Variants in SRGAP1 observed in about 807,000 individuals in gnomAD.
SRGAP1 encodes SLIT-ROBO Rho GTPase-activating protein 1.
A neutral mutation model predicts 121.9 loss-of-function variants in SRGAP1; 43 were observed. The ratio of observed to expected loss-of-function variants is 0.35; its 90% CI spans 0.28 to 0.46. The LOEUF (loss-of-function observed/expected upper bound fraction) is 0.46, where lower values mean the gene tolerates loss of function less well. Ranked by LOEUF, SRGAP1 falls within the 20% of genes least tolerant of loss-of-function variation. The pLI, the probability that SRGAP1 is intolerant of heterozygous loss-of-function variation, is 1.00. For missense variants in SRGAP1, 1,102 were observed against 1,350.9 expected, an observed-to-expected ratio of 0.82 and a Z score of 2.89; for synonymous variants, 447 against 485.4, an observed-to-expected ratio of 0.92 and a Z score of 1.04.
chr12:64,005,231 A>C (rs2034044236), intron 3 of SRGAP1, among the ~76,000 whole-genome samples: 1 of 152,248 alleles, frequency 6.6e-6, no homozygotes, highest in African/African-American at 2.4e-5. Context: ...TTGAGAAAAA[A>C]TAATTTTCAA....
chr12:63,977,455 G>T (rs182281579), intron 1 of SRGAP1, among the ~76,000 whole-genome samples: 1 of 152,132 alleles, frequency 6.6e-6, no homozygotes, highest in Non-Finnish European at 1.5e-5. Context: ...TGTCCTGGTC[G>T]TAGTCATTCA....
chr12:64,082,777 A>C (rs544538546), intron 10 of SRGAP1, among the ~76,000 whole-genome samples: 1 of 152,116 alleles, frequency 6.6e-6, no homozygotes, highest in Non-Finnish European at 1.5e-5. Flanking sequence ...AATTTTTTTC[A>C]ACGGGCTCTG....
chr12:64,064,705 G>C (rs56206744), intron 7 of SRGAP1, among the ~76,000 whole-genome samples: 2,866 of 152,294 alleles, frequency 0.019, 40 homozygotes, highest in Middle Eastern at 0.068. Context: ...GAGTACAACT[G>C]ACGGACTCGA....
intron 6 of SRGAP1, among the ~76,000 whole-genome samples, chr12:64,056,678 A>G (rs1281943017): frequency 6.6e-6 from 1 of 152,118 alleles, no homozygotes; most frequent in African/African-American, 2.4e-5. Context: ...AAGACCCTGT[A>G]TGAACTGATG....
At chr12:64,060,459 T>G (rs2035430717) in intron 6 of SRGAP1, among the ~76,000 whole-genome samples, 1 of 152,094 alleles carries the variant, frequency 6.6e-6, no homozygotes, top group African/African-American at 2.4e-5. Flanking sequence ...CCTCCCACCT[T>G]GGCCCCTTGA....
At chr12:63,912,652 A>C (rs1297204616) in intron 1 of SRGAP1, among the ~76,000 whole-genome samples, 1 of 152,124 alleles carries the variant, frequency 6.6e-6, no homozygotes, top group East Asian at 1.9e-4. Context: ...GATAGAGTAC[A>C]CACTGTTTGT....
At chr12:63,858,104 A>C (rs1337876318) in intron 1 of SRGAP1, among the ~76,000 whole-genome samples, 1 of 151,706 alleles carries the variant, frequency 6.6e-6, no homozygotes, top group Non-Finnish European at 1.5e-5. Context: ...TACTCTGTTA[A>C]TGTGATGAGT....
chr12:63,866,897 C>T (rs1368725252), intron 1 of SRGAP1, among the ~76,000 whole-genome samples: 2 of 150,444 alleles, frequency 1.3e-5, no homozygotes, highest in Admixed American at 6.6e-5. Flanking sequence ...GAGACAGGCT[C>T]TCACTCTGTC....
chr12:63,919,413 A>G (rs1311385500), intron 1 of SRGAP1, among the ~76,000 whole-genome samples: 1 of 150,542 alleles, frequency 6.6e-6, no homozygotes, highest in African/African-American at 2.4e-5. Flanking sequence ...TTAATGATCC[A>G]CCTGCCTTGG....
intron 1 of SRGAP1, chr12:63,887,381 G>A (rs1900423466): frequency 6.6e-6 from 1 of 152,296 alleles, no homozygotes; most frequent in African/African-American, 2.4e-5. Context: ...CTTTCCGAAG[G>A]AGAGGGGTTT....
At chr12:63,877,554 G>A (rs1446109642) in intron 1 of SRGAP1, among the ~76,000 whole-genome samples, 1 of 152,208 alleles carries the variant, frequency 6.6e-6, no homozygotes, top group Non-Finnish European at 1.5e-5. Flanking sequence ...TGTTGGGTAG[G>A]TGGAACATTG....
intron 1 of SRGAP1, among the ~76,000 whole-genome samples, chr12:63,870,932 C>G (rs1473956665): frequency 6.6e-6 from 1 of 152,112 alleles, no homozygotes; most frequent in East Asian, 1.9e-4. Context: ...CAGCTTCTAT[C>G]TCTTCTCTTG....
At chr12:63,911,615 T>C (rs1405508665) in intron 1 of SRGAP1, among the ~76,000 whole-genome samples, 6 of 152,240 alleles carry the variant, frequency 3.9e-5, no homozygotes, top group Non-Finnish European at 8.8e-5. Flanking sequence ...CTAAGTCTTC[T>C]GTGTGAAGTG....
intron 1 of SRGAP1, among the ~76,000 whole-genome samples, chr12:63,858,848 G>C (rs964956010): frequency 6.6e-6 from 1 of 151,980 alleles, no homozygotes; most frequent in African/African-American, 2.4e-5. Context: ...GTTTACGGGT[G>C]CGTGCCACCA....
chr12:63,853,474 A>G (rs1266778851), intron 1 of SRGAP1, among the ~76,000 whole-genome samples: 1 of 152,236 alleles, frequency 6.6e-6, no homozygotes, highest in Non-Finnish European at 1.5e-5. Flanking sequence ...AATGTTATGC[A>G]GTCTTTACCA....
chr12:64,094,599 G>A lies in SRGAP1; in HGVS notation c.1540-333G>A, dbSNP rs373374531. 4.6e-5 allele frequency among the ~76,000 whole-genome samples: 7 copies of A among 152,208 alleles called. No homozygotes were observed. In the East Asian group the frequency reaches 5.8e-4, roughly 13 times the overall value. On this transcript the variant is annotated intron_variant, in intron 12 of 21. Coordinates refer to ENST00000355086, the MANE Select transcript of SRGAP1 (RefSeq NM_020762.4). Reference sequence around the variant, plus strand: ...GGTTGTCTTTCATGATGAATATAGCGAATCAAACTGAAGATGCTATGATTA... The same window carrying A: ...GGTTGTCTTTCATGATGAATATAGCAAATCAAACTGAAGATGCTATGATTA...
chr12:64,001,139 T>C (rs2033883735), intron 3 of SRGAP1, among the ~76,000 whole-genome samples: 1 of 152,122 alleles, frequency 6.6e-6, no homozygotes, highest in East Asian at 1.9e-4. Context: ...AAAATCATCC[T>C]CTTTTCAAAA....
At chr12:64,044,703 A>G (rs2035092476) in intron 6 of SRGAP1, among the ~76,000 whole-genome samples, 1 of 52,054 alleles carries the variant, frequency 1.9e-5, no homozygotes, top group South Asian at 5.4e-4. Flanking sequence ...TTTTTTTAAG[A>G]CAGAGTCTCA....
At chr12:63,855,353 T>C (rs1280675552) in intron 1 of SRGAP1, among the ~76,000 whole-genome samples, 1 of 152,084 alleles carries the variant, frequency 6.6e-6, no homozygotes, top group East Asian at 1.9e-4. Flanking sequence ...CACATCTTGC[T>C]GCAAGGGAAG....
Sources: gnomAD v4.1 joint callset for allele counts (sites outside exome capture counted in the v4.1 genomes callset) on GRCh38, gnomAD v4.1.1 for gene constraint, MANE v1.5 for transcripts, NCBI Gene and HGNC (gene_info 2026-07-23, HGNC 2026-07-21) for gene names.